Variants in SMOC1 observed in about 807,000 individuals in gnomAD.
SMOC1 encodes SPARC-related modular calcium-binding protein 1.
A neutral mutation model predicts 56.3 loss-of-function variants in SMOC1; 22 were observed. That is an observed-to-expected ratio of 0.39 (90% CI 0.28 to 0.56). The LOEUF (loss-of-function observed/expected upper bound fraction) is 0.56. SMOC1 is among the 20% of genes least tolerant of loss of function. SMOC1 has a pLI of 0.61. For synonymous variants in SMOC1, 193 were observed against 215.0 expected (o/e 0.90, Z 0.89); for missense variants, 509 against 565.4 (o/e 0.90, Z 1.01).
chr14:69,926,122 A>G (rs965714991), intron 1 of SMOC1, among the ~76,000 whole-genome samples: 4 of 151,854 alleles, frequency 2.6e-5, no homozygotes, highest in Non-Finnish European at 5.9e-5. Context: ...TGCGAGTTGC[A>G]TGTCCAGGGA....
At chr14:70,019,687 A>T (rs543962348) in intron 10 of SMOC1, among the ~76,000 whole-genome samples, 17 of 152,296 alleles carry the variant, frequency 1.1e-4, no homozygotes, top group African/African-American at 4.1e-4. Context: ...TCTAACTGTG[A>T]TGGAAAGTCT....
At chr14:69,889,516 C>T (rs571265098) in intron 1 of SMOC1, among the ~76,000 whole-genome samples, 6 of 152,278 alleles carry the variant, frequency 3.9e-5, no homozygotes, top group Middle Eastern at 3.4e-3. Context: ...GTTGGGCACC[C>T]GGGCTAGTAA....
intron 7 of SMOC1, among the ~76,000 whole-genome samples, chr14:70,004,629 C>T (rs1885083289): frequency 6.6e-6 from 1 of 152,194 alleles, no homozygotes; most frequent in African/African-American, 2.4e-5. Flanking sequence ...ATTGGCCTGC[C>T]CAACATATTT....
intron 7 of SMOC1, among the ~76,000 whole-genome samples, chr14:70,007,749 G>GT (rs1287113623): frequency 6.6e-6 from 1 of 152,166 alleles, no homozygotes; most frequent in Non-Finnish European, 1.5e-5. Flanking sequence ...CAAAATGGGC[G>GT]TAATAATAGT....
In SMOC1 at chr14:69,957,679, A is replaced by G. The variant is rs545285455; in HGVS notation, c.378+4147A>G. On this transcript the variant is annotated intron_variant, in intron 3 of 11. Transcript: ENST00000361956. ...TGGAAATTAAAAAAAGATACAAAAA[A>G]GTAGACATAATAGTATAATGAACAT... 1.2e-4 allele frequency among the ~76,000 whole-genome samples: 18 copies of G among 152,366 alleles called. No individual in the cohort carries two copies. The East Asian group carries it at 3.1e-3, about 26-fold the overall frequency.
At chr14:69,883,960 G>A (rs1594784765) in intron 1 of SMOC1, among the ~76,000 whole-genome samples, 1 of 126,326 alleles carries the variant, frequency 7.9e-6, no homozygotes, top group East Asian at 2.6e-4. Context: ...ACTGCGGACT[G>A]CAGTGGCGCA....
intron 1 of SMOC1, among the ~76,000 whole-genome samples, chr14:69,935,304 T>G (rs1885267788): frequency 6.6e-6 from 1 of 152,216 alleles, no homozygotes; most frequent in African/African-American, 2.4e-5. Flanking sequence ...GTTGGGGAGA[T>G]ATACCTTATC....
chr14:69,965,502 G>C (rs1883540754), intron 3 of SMOC1, among the ~76,000 whole-genome samples: 1 of 152,102 alleles, frequency 6.6e-6, no homozygotes, highest in South Asian at 2.1e-4. Flanking sequence ...GCTGACCCAG[G>C]ATCACTGAGT....
rs184001667 is a variant in SMOC1, at chr14:69,971,581, G to T, written c.379-4134G>T. Among the ~76,000 whole-genome samples the T allele has an allele frequency of 2.3e-4, 35 of 152,250 alleles. No homozygotes were observed. The East Asian group carries it at 6.0e-3, about 26-fold the overall frequency. On this transcript the variant is annotated intron_variant, in intron 3 of 11. Coordinates refer to ENST00000361956, the MANE Select transcript of SMOC1 (RefSeq NM_001034852.3). ...TTGCCTCATGGATCCTCTTGGCCCT[G>T]GGTTTTCTGAGATTAAGTCTAAAAG... is the stretch of plus-strand genomic sequence containing the variant.
chr14:69,951,605 C>T (rs1431739423), intron 1 of SMOC1, among the ~76,000 whole-genome samples: 2 of 152,178 alleles, frequency 1.3e-5, no homozygotes, highest in Non-Finnish European at 2.9e-5. Flanking sequence ...TCACTACGAT[C>T]TAATAAATAA....
chr14:69,916,875 C>T (rs1231495415), intron 1 of SMOC1, among the ~76,000 whole-genome samples: 1 of 152,192 alleles, frequency 6.6e-6, no homozygotes, highest in Non-Finnish European at 1.5e-5. Flanking sequence ...GTTCTGTCCT[C>T]CTGCTGGAAT....
At chr14:70,015,717 G>A (rs900810307) in intron 10 of SMOC1, among the ~76,000 whole-genome samples, 24 of 152,078 alleles carry the variant, frequency 1.6e-4, no homozygotes, top group African/African-American at 5.3e-4. Flanking sequence ...GAGGCGGCCT[G>A]TGGCACTCAG....
Position 69,963,596 on chromosome 14 carries a change from TGGGCATTAA to T in SMOC1, c.378+10067_378+10075del, listed in dbSNP as rs1368477145. Among the ~76,000 whole-genome samples, 4 of 150,806 alleles carry T rather than the reference TGGGCATTAA, an allele frequency of 2.7e-5. No individual in the cohort carries two copies. The East Asian group carries it at 6.0e-4, about 23-fold the overall frequency. On this transcript the variant is annotated intron_variant, in intron 3 of 11. Transcript: ENST00000361956. ...CCCTCCCCCAATGGCGTATCCTCTG[TGGGCATTAA>T]GGTTCTCAGCACATCAAGATCTGGG...
At chr14:70,006,323 G>T (rs752912772) in intron 7 of SMOC1, among the ~76,000 whole-genome samples, 13 of 152,142 alleles carry the variant, frequency 8.5e-5, no homozygotes, top group Non-Finnish European at 1.6e-4. Flanking sequence ...TACCAAGTCT[G>T]GCACATGGTA....
intron 6 of SMOC1, among the ~76,000 whole-genome samples, chr14:69,992,871 G>A (rs1274830989): frequency 1.3e-5 from 2 of 152,114 alleles, no homozygotes; most frequent in Admixed American, 1.3e-4. Flanking sequence ...AGCCCCTCTG[G>A]GGGATGAAAA....
chr14:70,012,901 G>A (rs1180068002), intron 9 of SMOC1, among the ~76,000 whole-genome samples: 3 of 152,162 alleles, frequency 2.0e-5, no homozygotes, highest in Non-Finnish European at 4.4e-5. Flanking sequence ...AAAGGAGGAG[G>A]CTCTTGGATG....
At chr14:69,956,535 A>G (rs1883193367) in intron 3 of SMOC1, among the ~76,000 whole-genome samples, 1 of 149,630 alleles carries the variant, frequency 6.7e-6, no homozygotes, top group Non-Finnish European at 1.5e-5. Flanking sequence ...ATATGCACGC[A>G]TCCCGGTATT....
intron 3 of SMOC1, among the ~76,000 whole-genome samples, chr14:69,962,971 G>T (rs1176380720): frequency 1.3e-5 from 2 of 151,928 alleles, no homozygotes; most frequent in East Asian, 3.9e-4. Context: ...GTTGTCTCAG[G>T]ACTACTTGTT....
chr14:69,884,598 G>A (rs1883743662), intron 1 of SMOC1, among the ~76,000 whole-genome samples: 1 of 152,050 alleles, frequency 6.6e-6, no homozygotes, highest in Non-Finnish European at 1.5e-5. Context: ...ATTCATTTGA[G>A]TCAATTTTTG....
Sources: allele counts gnomAD v4.1 joint callset (sites outside exome capture counted in the v4.1 genomes callset), GRCh38; gene constraint gnomAD v4.1.1; transcripts MANE v1.5; gene names NCBI Gene and HGNC (gene_info 2026-07-23, HGNC 2026-07-21).